The following KIAA1958 variants were observed in gnomAD, a reference collection of about 807,000 sequenced individuals.
KIAA1958 encodes the protein uncharacterized protein KIAA1958.
Under a neutral mutation model 47.2 loss-of-function variants are expected in KIAA1958, and 14 were observed. That is an observed-to-expected ratio of 0.30 (90% CI 0.20 to 0.46). The LOEUF (loss-of-function observed/expected upper bound fraction) is 0.46. Ranked by LOEUF, KIAA1958 falls within the 20% of genes least tolerant of loss-of-function variation. The pLI is 1.00. For missense variants in KIAA1958, 803 were observed against 909.2 expected (o/e 0.88, Z 1.50); for synonymous variants, 354 against 353.3 (o/e 1.00, Z -0.02).
chr9:112,617,856 C>T (rs990188655), intron 2 of KIAA1958: 7 of 1,537,230 alleles, frequency 4.6e-6, no homozygotes, highest in East Asian at 2.4e-5. Context: ...TCCCTCCCCC[C>T]CCAATTTGTT....
chr9:112,500,303 G>T (rs1834112819), intron 1 of KIAA1958, among the ~76,000 whole-genome samples: 1 of 152,136 alleles, frequency 6.6e-6, no homozygotes, highest in South Asian at 2.1e-4. Flanking sequence ...GTTTCGCCAT[G>T]TTGGCCAGGC....
chr9:112,618,403 T>C lies in KIAA1958; in HGVS notation c.1172-27247T>C. The stretch of plus-strand genomic sequence containing the variant: ...TCCATGGATCTACCTTAAAATGGGG[T>C]GATATCCGGCTCCGGGTAACAGAGA... On this transcript the variant is annotated intron_variant, in intron 2 of 3. Transcript: ENST00000337530. This position sits in a 1 kb window ranked among gnomAD's most constrained non-coding sequence, Gnocchi z 7.1. 1 of 1,551,158 alleles carries C rather than the reference T, an allele frequency of 6.4e-7. No homozygotes were observed. Among genetic ancestry groups the C allele is most frequent in the Non-Finnish European group, 8.7e-7 (1 of 1,147,118 alleles).
chr9:112,647,299 A>G (rs925653283), intron 3 of KIAA1958, among the ~76,000 whole-genome samples: 1 of 152,214 alleles, frequency 6.6e-6, no homozygotes, highest in African/African-American at 2.4e-5. Flanking sequence ...TTGATGAAAA[A>G]GAGGACCTGA....
In KIAA1958 at chr9:112,602,767, T is replaced by C. The variant is rs117269993; in HGVS notation, c.1171+27516T>C. Among the ~76,000 whole-genome samples the C allele has an allele frequency of 2.6e-3, 397 of 152,286 alleles. 3 individuals are homozygous for C. The highest frequency in any genetic ancestry group is 4.5e-3 in the Non-Finnish European group (306 of 68,016). On this transcript the variant is annotated intron_variant, in intron 2 of 3. Transcript: ENST00000337530. The stretch of plus-strand genomic sequence containing the variant: ...ATTTTTACAGATGTCCACACCACCT[T>C]CCCTGACTCTCTGAAGGGTCCTAAC...
At position 112,662,041 on chromosome 9, in the gene KIAA1958, G is replaced by A. The variant is rs1235141344; in HGVS notation, c.*1972G>A. 6.6e-6 allele frequency: 1 copy of A among 152,168 alleles called. No individual in the cohort carries two copies. Among genetic ancestry groups the A allele is most frequent in the Admixed American group, 6.5e-5 (1 of 15,276 alleles). 9.4% of individuals were successfully genotyped at this position (152,168 alleles called of 1,614,324 possible). ...TAGATTCAAGTAGAAATTGCCGTTA[G>A]GAATCACTGGGATCTTTTCGGATTT... On this transcript the variant is annotated 3_prime_UTR_variant, in exon 4 of 4. Coordinates refer to ENST00000337530, the MANE Select transcript of KIAA1958 (RefSeq NM_133465.4).
chr9:112,660,365 C>G lies in KIAA1958; in HGVS notation c.*296C>G. The stretch of plus-strand genomic sequence containing the variant: ...TGAGGAAATTCATTTTCTCTAGTGC[C>G]TTTCTAGCACAGGTTTTCTCAAAAC... On this transcript the variant is annotated 3_prime_UTR_variant, in exon 4 of 4. Coordinates refer to ENST00000337530, the MANE Select transcript of KIAA1958 (RefSeq NM_133465.4). 2 of 359,812 alleles carry G rather than the reference C, an allele frequency of 5.6e-6. No individual in the cohort carries two copies. Among genetic ancestry groups the G allele is most frequent in the Non-Finnish European group, 1.0e-5 (2 of 197,932 alleles). 22.3% of individuals were successfully genotyped at this position (359,812 alleles called of 1,614,324 possible).
At chr9:112,619,335 A>G (rs1392666264) in intron 2 of KIAA1958, 1 of 152,104 alleles carries the variant, frequency 6.6e-6, no homozygotes, top group Non-Finnish European at 1.5e-5. Flanking sequence ...AAATGGCTTT[A>G]TTTTTTTAAT....
intron 1 of KIAA1958, among the ~76,000 whole-genome samples, chr9:112,526,401 G>A (rs1229370309): frequency 6.6e-6 from 1 of 151,858 alleles, no homozygotes; most frequent in East Asian, 1.9e-4. Flanking sequence ...TTACAGGTGT[G>A]CACCACCACG....
intron 2 of KIAA1958, among the ~76,000 whole-genome samples, chr9:112,605,840 G>C (rs1588036907): frequency 6.6e-6 from 1 of 152,174 alleles, no homozygotes; most frequent in African/African-American, 2.4e-5. Flanking sequence ...TATTTTTAGA[G>C]AGGACTTCCT....
intron 2 of KIAA1958, among the ~76,000 whole-genome samples, chr9:112,638,198 G>T (rs898203800): frequency 6.6e-6 from 1 of 151,982 alleles, no homozygotes; most frequent in South Asian, 2.1e-4. Flanking sequence ...TGTTATGTGG[G>T]AAGTTGAAAA....
intron 1 of KIAA1958, among the ~76,000 whole-genome samples, chr9:112,521,188 T>C (rs550256476): frequency 1.3e-5 from 2 of 152,288 alleles, no homozygotes; most frequent in South Asian, 4.1e-4. Flanking sequence ...CTTGTATTTC[T>C]AAATAGCCTA....
Position 112,659,794 on chromosome 9 carries a change from A to G in KIAA1958, c.1876A>G (p.Lys626Glu). 1 of 1,614,166 alleles carries G rather than the reference A, an allele frequency of 6.2e-7. No individual in the cohort carries two copies. The highest frequency in any genetic ancestry group is 8.5e-7 in the Non-Finnish European group (1 of 1,180,012). The change falls in exon 4 of 4, where the codon AAA becomes GAA. Residue 626 changes from lysine (K) to glutamate (E), a missense_variant. Physicochemically the swap from Lys to Glu is moderately conservative, Grantham distance 56. Transcript: ENST00000337530. The part of the protein sequence containing the change: ...KIYHEHSRGH[K>E]QCPYCLLYKY... ...CTACCATGAGCATTCCCGGGGACAC[A>G]AACAGTGCCCTTACTGCCTCCTCTA...
chr9:112,623,217 A>G (rs376594396), intron 2 of KIAA1958, among the ~76,000 whole-genome samples: 17 of 152,198 alleles, frequency 1.1e-4, no homozygotes, highest in African/African-American at 3.4e-4. Flanking sequence ...TCTGTCATCA[A>G]TGACTATCAC....
At chr9:112,543,927 A>G (rs1834986780) in intron 1 of KIAA1958, among the ~76,000 whole-genome samples, 2 of 152,148 alleles carry the variant, frequency 1.3e-5, no homozygotes, top group Admixed American at 1.3e-4. Flanking sequence ...GAAGATGCCT[A>G]AAGTTTGTTT....
At chr9:112,560,034 T>C (rs1835299760) in intron 1 of KIAA1958, among the ~76,000 whole-genome samples, 1 of 152,046 alleles carries the variant, frequency 6.6e-6, no homozygotes, top group South Asian at 2.1e-4. Context: ...CTTAAGAATT[T>C]TGAGGTATTT....
chr9:112,545,825 G>GTGTTTTT lies in KIAA1958; in HGVS notation c.-24-28231_-24-28230insGTTTTTT, dbSNP rs60211721. On this transcript the variant is annotated intron_variant, in intron 1 of 3. Coordinates refer to ENST00000337530, the MANE Select transcript of KIAA1958 (RefSeq NM_133465.4). The stretch of plus-strand genomic sequence containing the variant: ...TCTTTAGTGATACACAGGTTTCTTT[G>GTGTTTTT]TTTTTTTTTTTTTTTTTTTTTAGTG... 1.2e-3 allele frequency among the ~76,000 whole-genome samples: 116 copies of GTGTTTTT among 93,022 alleles called. 7 individuals are homozygous for GTGTTTTT. The highest frequency in any genetic ancestry group is 4.4e-3 in the East Asian group (14 of 3,152). The allele number at this position is 93,022 out of a possible 152,430, so 61.0% of individuals were successfully genotyped here. A position where few individuals can be genotyped will look rare whatever the true frequency, so the allele number is the denominator to read the frequency against.
chr9:112,556,112 T>C (rs1835236510), intron 1 of KIAA1958, among the ~76,000 whole-genome samples: 1 of 152,246 alleles, frequency 6.6e-6, no homozygotes, highest in South Asian at 2.1e-4. Context: ...AAAACCGCAA[T>C]GGGGATTAGT....
chr9:112,617,783 A>T (rs1288780523), intron 2 of KIAA1958: 3 of 1,046,568 alleles, frequency 2.9e-6, no homozygotes, highest in Non-Finnish European at 4.1e-6. Flanking sequence ...CCTTGTCATT[A>T]TAAAAGGAAA....
At chr9:112,634,461 C>A (rs1836766699) in intron 2 of KIAA1958, among the ~76,000 whole-genome samples, 1 of 152,134 alleles carries the variant, frequency 6.6e-6, no homozygotes, top group Non-Finnish European at 1.5e-5. Context: ...GAACTCCTGA[C>A]CTCAAGTGAT....
Sources: allele counts gnomAD v4.1 joint callset (sites outside exome capture counted in the v4.1 genomes callset), GRCh38; gene constraint gnomAD v4.1.1; non-coding constraint Gnocchi (gnomAD v3.1); transcripts MANE v1.5; gene names NCBI Gene and HGNC (gene_info 2026-07-23, HGNC 2026-07-21).